ARSJ: variants seen among roughly 807,000 people sequenced by gnomAD.
ARSJ encodes arylsulfatase family member J.
ARSJ carries 26 observed loss-of-function variants against 35.9 expected under a neutral mutation model. The ratio of observed to expected loss-of-function variants is 0.72; its 90% confidence interval spans 0.53 to 1.00. ARSJ has a LOEUF of 1.00. ARSJ is among the 50% of genes least tolerant of loss of function. The pLI is 0.00. For synonymous variants in ARSJ, 294 were observed against 267.6 expected, an observed-to-expected ratio of 1.10 and a Z score of -0.96; for missense variants, 667 against 723.6, an observed-to-expected ratio of 0.92 and a Z score of 0.90.
intron 1 of ARSJ, among the ~76,000 whole-genome samples, chr4:113,937,116 G>A (rs1724811892): frequency 6.6e-6 from 1 of 151,854 alleles, no homozygotes; most frequent in Non-Finnish European, 1.5e-5. Context: ...ATATATTCTG[G>A]TTGTAATTTC....
intron 1 of ARSJ, among the ~76,000 whole-genome samples, chr4:113,969,282 C>T (rs961050714): frequency 6.6e-6 from 1 of 152,132 alleles, no homozygotes; most frequent in African/African-American, 2.4e-5. Context: ...CCTTTTTGGA[C>T]ATCTCAGAAC....
intron 1 of ARSJ, among the ~76,000 whole-genome samples, chr4:113,925,573 T>C (rs925732920): frequency 6.6e-5 from 10 of 152,134 alleles, no homozygotes; most frequent in Admixed American, 5.2e-4. Flanking sequence ...TGTTTCAGGA[T>C]GATAGGGAAC....
intron 1 of ARSJ, among the ~76,000 whole-genome samples, chr4:113,950,052 T>C (rs1190852125): frequency 2.6e-5 from 4 of 152,082 alleles, no homozygotes; most frequent in Non-Finnish European, 5.9e-5. Flanking sequence ...TGGGGGTTCA[T>C]AGAAATAGAT....
At chr4:113,903,951 T>C (rs1027141168) in intron 1 of ARSJ, among the ~76,000 whole-genome samples, 1 of 152,138 alleles carries the variant, frequency 6.6e-6, no homozygotes, top group Admixed American at 6.6e-5. Context: ...TGAGACGGAG[T>C]CTTAGTCGTC....
intron 1 of ARSJ, among the ~76,000 whole-genome samples, chr4:113,920,539 A>G (rs899182018): frequency 6.6e-6 from 1 of 152,178 alleles, no homozygotes; most frequent in Non-Finnish European, 1.5e-5. Flanking sequence ...AGGGGGTTTC[A>G]GTTCTAACAT....
In ARSJ at chr4:113,978,883, GC is replaced by G; in HGVS notation, c.-50del. 1 of 1,528,508 alleles carries G rather than the reference GC, an allele frequency of 6.5e-7. No individual in the cohort carries two copies. Among genetic ancestry groups the G allele is most frequent in the Non-Finnish European group, 8.8e-7 (1 of 1,141,670 alleles). The allele number at this position is 1,528,508 out of a possible 1,614,324, so 94.7% of individuals were successfully genotyped here. On this transcript the variant is annotated 5_prime_UTR_variant, in exon 1 of 2. An upstream open reading frame in the 5' UTR loses its in-frame stop. Coordinates refer to ENST00000315366, the MANE Select transcript of ARSJ (RefSeq NM_024590.4). Reference sequence around the variant, plus strand: ...CCACGCGGAGAACCACGCGCCCCGCGCCGCTGCGGGCGCACACATGCACCCA... The same window carrying G: ...CCACGCGGAGAACCACGCGCCCCGCGCGCTGCGGGCGCACACATGCACCCA...
At chr4:113,963,217 A>C (rs1302443929) in intron 1 of ARSJ, among the ~76,000 whole-genome samples, 1 of 152,066 alleles carries the variant, frequency 6.6e-6, no homozygotes, top group Non-Finnish European at 1.5e-5. Flanking sequence ...CCATGAAAAC[A>C]GGGATTTTTA....
At position 113,927,194 on chromosome 4, in the gene ARSJ, G is replaced by T. The variant is rs141561770; in HGVS notation, c.399-23519C>A. 2.7e-3 allele frequency among the ~76,000 whole-genome samples: 408 copies of T among 152,216 alleles called. 2 individuals carry two copies. Among genetic ancestry groups the T allele is most frequent in the Non-Finnish European group, 4.7e-3 (321 of 68,006 alleles). Reference sequence around the variant, plus strand: ...TGCCTCTTTCTTGGTTGTAGGAGGGGCCAAATGCAGCAACTTATCCTTCAC... The same window carrying T: ...TGCCTCTTTCTTGGTTGTAGGAGGGTCCAAATGCAGCAACTTATCCTTCAC... On this transcript the variant is annotated intron_variant, in intron 1 of 1. Transcript: ENST00000315366.
chr4:113,969,999 G>T (rs1235533841), intron 1 of ARSJ, among the ~76,000 whole-genome samples: 1 of 152,196 alleles, frequency 6.6e-6, no homozygotes, highest in Non-Finnish European at 1.5e-5. Context: ...GAGTAAGAAA[G>T]CTCATCGTTG....
chr4:113,967,810 A>G (rs60695336), intron 1 of ARSJ, among the ~76,000 whole-genome samples: 1 of 152,134 alleles, frequency 6.6e-6, no homozygotes, highest in African/African-American at 2.4e-5. Flanking sequence ...ATTCCTCTTA[A>G]ATTTTAAGCT....
intron 1 of ARSJ, among the ~76,000 whole-genome samples, chr4:113,974,352 A>G (rs1727461283): frequency 6.6e-6 from 1 of 152,096 alleles, no homozygotes; most frequent in African/African-American, 2.4e-5. Context: ...ACTAAAAAAC[A>G]TACACTAAAA....
chr4:113,948,758 G>A (rs1309190612), intron 1 of ARSJ, among the ~76,000 whole-genome samples: 2 of 152,110 alleles, frequency 1.3e-5, no homozygotes, highest in African/African-American at 2.4e-5. Context: ...ATCCAGCACT[G>A]TGACATGGAG....
chr4:113,929,154 C>T (rs1724267845), intron 1 of ARSJ, among the ~76,000 whole-genome samples: 1 of 152,042 alleles, frequency 6.6e-6, no homozygotes, highest in South Asian at 2.1e-4. Context: ...CATGCCTGTT[C>T]TCCAGATTGC....
At chr4:113,940,972 A>G (rs1310925086) in intron 1 of ARSJ, among the ~76,000 whole-genome samples, 1 of 151,924 alleles carries the variant, frequency 6.6e-6, no homozygotes, top group Non-Finnish European at 1.5e-5. Context: ...CTCTGAAGTA[A>G]ACCTCCAGGT....
chr4:113,938,978 T>A (rs180964800), intron 1 of ARSJ, among the ~76,000 whole-genome samples: 13 of 151,764 alleles, frequency 8.6e-5, no homozygotes, highest in Admixed American at 7.9e-4. Context: ...TAGTTGCATA[T>A]GTATACATGT....
rs202233386 is a variant in ARSJ, at chr4:113,953,102, AT to A, written c.398+25334del. Among the ~76,000 whole-genome samples, 1,138 of 152,182 alleles carry A rather than the reference AT, an allele frequency of 7.5e-3. 17 individuals are homozygous for A. Among genetic ancestry groups the A allele is most frequent in the African/African-American group, 0.026 (1,084 of 41,556 alleles). ...CACAAAAAGGAAACTGAAGAACAGG[AT>A]TTAAGAAATTTAAGTGGCAAAACTG... On this transcript the variant is annotated intron_variant, in intron 1 of 1. Transcript: ENST00000315366.
chr4:113,962,943 G>T (rs1261663315), intron 1 of ARSJ, among the ~76,000 whole-genome samples: 1 of 152,024 alleles, frequency 6.6e-6, no homozygotes, highest in African/African-American at 2.4e-5. Flanking sequence ...GGGCTGTCCT[G>T]TAATGGTACT....
chr4:113,909,141 G>GA lies in ARSJ; in HGVS notation c.399-5467dup, dbSNP rs1036178015. Reference sequence around the variant, plus strand: ...CAGTGAGAGAAGTACAGAAGGAGTGGAAAAAAAAAGAATTAGGAATGATTT... The same window carrying GA: ...CAGTGAGAGAAGTACAGAAGGAGTGGAAAAAAAAAAGAATTAGGAATGATTT... On this transcript the variant is annotated intron_variant, in intron 1 of 1. Transcript: ENST00000315366. Among the ~76,000 whole-genome samples the GA allele has an allele frequency of 3.4e-3, 506 of 150,798 alleles. 2 individuals are homozygous for GA. The highest frequency in any genetic ancestry group is 0.012 in the African/African-American group (483 of 41,046).
At chr4:113,924,701 A>C (rs988971798) in intron 1 of ARSJ, among the ~76,000 whole-genome samples, 1 of 152,182 alleles carries the variant, frequency 6.6e-6, no homozygotes, top group Non-Finnish European at 1.5e-5. Context: ...AAAGTCAATA[A>C]ATCTTATGGC....
Sources: allele counts gnomAD v4.1 joint callset (sites outside exome capture counted in the v4.1 genomes callset), GRCh38; gene constraint gnomAD v4.1.1; transcripts MANE v1.5; gene names NCBI Gene and HGNC (gene_info 2026-07-23, HGNC 2026-07-21).